Variants in MYO9B observed in about 807,000 individuals in gnomAD.
The protein encoded by MYO9B is unconventional myosin-IXb.
A neutral mutation model predicts 229.5 loss-of-function variants in MYO9B; 71 were observed. The observed-to-expected ratio is 0.31, with a 90% CI of 0.26 to 0.38. MYO9B has a LOEUF of 0.38. Ranked by LOEUF, MYO9B falls within the 10% of genes least tolerant of loss-of-function variation. MYO9B has a pLI of 1.00. For synonymous variants in MYO9B, 1,185 were observed against 1,235.8 expected (o/e 0.96, Z 0.86); for missense variants, 2,255 against 2,920.5 (o/e 0.77, Z 5.25).
chr19:17,128,641 G>A (rs989377615), intron 2 of MYO9B, among the ~76,000 whole-genome samples: 5 of 152,270 alleles, frequency 3.3e-5, no homozygotes, highest in African/African-American at 1.2e-4. Context: ...CGGCGCTCAG[G>A]GTCACAGCTC....
chr19:17,162,941 C>T (rs2072620156), intron 9 of MYO9B, 47 bp from the exon 10 acceptor site: 1 of 1,585,144 alleles, frequency 6.3e-7, no homozygotes, highest in Non-Finnish European at 8.6e-7. Context: ...GGCTGGCTCC[C>T]TCGGGGTGCA....
chr19:17,144,797 C>T (rs2072386392), intron 2 of MYO9B, among the ~76,000 whole-genome samples: 2 of 151,126 alleles, frequency 1.3e-5, no homozygotes, highest in East Asian at 2.0e-4. Flanking sequence ...AGTGAAACCC[C>T]GTCTGTACTA....
At chr19:17,137,518 T>C (rs1462601899) in intron 2 of MYO9B, among the ~76,000 whole-genome samples, 1 of 152,102 alleles carries the variant, frequency 6.6e-6, no homozygotes, top group Non-Finnish European at 1.5e-5. Context: ...GACCAGGTCA[T>C]CTCTCTCTGG....
At chr19:17,184,823 G>A (rs2145418040) in intron 16 of MYO9B, 42 bp from the exon 17 acceptor site, 1 of 1,611,866 alleles carries the variant, frequency 6.2e-7, no homozygotes, top group East Asian at 2.2e-5. Flanking sequence ...GTGCCCGTGT[G>A]GGCTGTGGGA....
chr19:17,205,436 G>C (rs1599425958), intron 31 of MYO9B, 100 bp downstream of exon 31: 1 of 1,176,796 alleles, frequency 8.5e-7, no homozygotes. Flanking sequence ...GAAGCATTGA[G>C]CAGCCAGTAG....
At chr19:17,091,363 T>C (rs1189292179) in intron 1 of MYO9B, among the ~76,000 whole-genome samples, 1 of 152,124 alleles carries the variant, frequency 6.6e-6, no homozygotes, top group Non-Finnish European at 1.5e-5. Context: ...GTAGCTGGGA[T>C]TATAGATGTG....
At chr19:17,149,799 T>C (rs1377763727) in intron 3 of MYO9B, among the ~76,000 whole-genome samples, 1 of 152,148 alleles carries the variant, frequency 6.6e-6, no homozygotes, top group Non-Finnish European at 1.5e-5. Flanking sequence ...ATAAGACCCC[T>C]TTTTTAGGCC....
At position 17,192,911 on chromosome 19, in the gene MYO9B, T is replaced by C. The variant is rs1599411959; in HGVS notation, c.2977T>C (p.Tyr993His). 1 of 1,550,116 alleles carries C rather than the reference T, an allele frequency of 6.5e-7. No individual in the cohort carries two copies. The highest frequency in any genetic ancestry group is 1.2e-5 in the South Asian group (1 of 84,040). ...AVTIQACWRS[Y>H]RVRRALERTQ... The stretch of plus-strand genomic sequence containing the variant: ...CACCATCCAGGCCTGCTGGCGGTCC[T>C]ACCGGGTCCGGAGGGCGCTGGAGAG... The change falls in exon 21 of 40, where the codon TAC becomes CAC. Residue 993 changes from tyrosine (Y) to histidine (H), a missense_variant. Physicochemically the swap from Tyr to His is moderately conservative, Grantham distance 83 (BLOSUM62 2). Transcript: ENST00000682292.
chr19:17,190,041 G>A (rs1159013141), intron 19 of MYO9B, among the ~76,000 whole-genome samples: 1 of 143,822 alleles, frequency 7.0e-6, no homozygotes, highest in Non-Finnish European at 1.5e-5. Context: ...GCCCAGCCTG[G>A]GCGGCAAAAC....
Position 17,184,528 on chromosome 19 carries a change from G to A in MYO9B, c.2374-337G>A, listed in dbSNP as rs369008314. On this transcript the variant is annotated intron_variant, in intron 16 of 39. Coordinates refer to ENST00000682292, the MANE Select transcript of MYO9B (RefSeq NM_004145.4). ...CCTGGCCCTTCTTGACTCAAGTAAT[G>A]TAAACTGTAGGAGCTATGCAGAGGA... is the stretch of plus-strand genomic sequence containing the variant. 590 of 231,984 alleles carry A rather than the reference G, an allele frequency of 2.5e-3. 25 individuals are homozygous for A. The South Asian group carries it at 0.047, about 18-fold the overall frequency. The allele number at this position is 231,984 out of a possible 1,614,324, so 14.4% of individuals were successfully genotyped here.
At chr19:17,135,571 C>G (rs545851371) in intron 2 of MYO9B, among the ~76,000 whole-genome samples, 24 of 152,306 alleles carry the variant, frequency 1.6e-4, no homozygotes, top group African/African-American at 5.8e-4. Flanking sequence ...ACTTCCCCCT[C>G]GGATGTATAA....
At chr19:17,137,903 C>T (rs1404809402) in intron 2 of MYO9B, among the ~76,000 whole-genome samples, 25 of 143,902 alleles carry the variant, frequency 1.7e-4, no homozygotes, top group Non-Finnish European at 3.7e-4. Context: ...CCATACCTGG[C>T]TTTTTTTTTT....
intron 20 of MYO9B, 119 bp from the exon 21 acceptor site, chr19:17,192,627 C>T: frequency 9.6e-6 from 6 of 626,898 alleles, no homozygotes; most frequent in Non-Finnish European, 1.5e-5. Context: ...TAAATAAAGC[C>T]CTGGTTGGTC....
At chr19:17,156,787 C>T in intron 6 of MYO9B, 122 bp from the exon 7 acceptor site, 1 of 1,208,246 alleles carries the variant, frequency 8.3e-7, no homozygotes, top group Non-Finnish European at 1.2e-6. Context: ...AGACATTTTT[C>T]AAATTTCATG....
chr19:17,206,427 A>G, intron 33 of MYO9B, 51 bp downstream of exon 33: 1 of 1,593,028 alleles, frequency 6.3e-7, no homozygotes, highest in Middle Eastern at 1.7e-4. Context: ...GCCAGGATAC[A>G]GCGTTCGCTG....
chr19:17,157,192 C>A, intron 7 of MYO9B, 154 bp downstream of exon 7: 1 of 967,296 alleles, frequency 1.0e-6, no homozygotes, highest in Non-Finnish European at 1.5e-6. Flanking sequence ...AGTGTTCCTT[C>A]CTCATTTCTG....
chr19:17,211,402 G>C (rs1255519634), intron 38 of MYO9B, among the ~76,000 whole-genome samples: 2 of 152,130 alleles, frequency 1.3e-5, no homozygotes, highest in African/African-American at 4.8e-5. Context: ...CTCCCCAGTA[G>C]CCGGAACCAC....
chr19:17,172,619 C>T lies in MYO9B; in HGVS notation c.1936-140C>T, dbSNP rs183779666. Reference sequence around the variant, plus strand: ...GAATCCCCGGCTCCAATGTCCAAGGCGCCATAGTTCAAGAACTGCCATTTG... The same window carrying T: ...GAATCCCCGGCTCCAATGTCCAAGGTGCCATAGTTCAAGAACTGCCATTTG... On this transcript the variant is annotated intron_variant, in intron 12 of 39. Transcript: ENST00000682292. This position sits in a 1 kb window ranked among gnomAD's most constrained non-coding sequence, Gnocchi z 8.2. The T allele has an allele frequency of 2.0e-3, 2,926 of 1,446,864 alleles. 16 individuals carry two copies. The highest frequency in any genetic ancestry group is 2.3e-3 in the Middle Eastern group (13 of 5,600). The allele number at this position is 1,446,864 out of a possible 1,614,324, so 89.6% of individuals were successfully genotyped here.
rs372508299 is a variant in MYO9B at position 17,205,176 on chromosome 19, TGGC to T, written c.4991-83_4991-81del. ...AAAAAAAAAAAAAAAAGAAGGCAAT[TGGC>T]GGCCCCCGGCCAGCTGGGTGGGTGG... On this transcript the variant is annotated intron_variant, in intron 30 of 39. Coordinates refer to ENST00000682292, the MANE Select transcript of MYO9B (RefSeq NM_004145.4). 8.0e-4 allele frequency: 777 copies of T among 977,088 alleles called. 9 individuals carry two copies. The African/African-American group carries it at 0.013, about 16-fold the overall frequency. The allele number at this position is 977,088 out of a possible 1,614,324, so 60.5% of individuals were successfully genotyped here.
Sources: allele counts gnomAD v4.1 joint callset (sites outside exome capture counted in the v4.1 genomes callset), GRCh38; gene constraint gnomAD v4.1.1; non-coding constraint Gnocchi (gnomAD v3.1); transcripts MANE v1.5; gene names NCBI Gene and HGNC (gene_info 2026-07-23, HGNC 2026-07-21).